Variants in PCDHGA7 observed in about 807,000 individuals in gnomAD.
The protein encoded by PCDHGA7 is protocadherin gamma subfamily A, 7, also known as protocadherin gamma-A7.
PCDHGA7 carries 44 observed loss-of-function variants against 58.3 expected under a neutral mutation model. The ratio of observed to expected loss-of-function variants is 0.75; its 90% CI spans 0.59 to 0.97. The LOEUF (loss-of-function observed/expected upper bound fraction) is 0.97. Ranked by LOEUF, PCDHGA7 falls within the 50% of genes least tolerant of loss-of-function variation. The pLI, the probability that PCDHGA7 is intolerant of heterozygous loss-of-function variation, is 0.00. For missense variants in PCDHGA7, 1,266 were observed against 1,188.7 expected (o/e 1.06, Z -0.96); for synonymous variants, 516 against 504.2 (o/e 1.02, Z -0.31).
Position 141,393,390 on chromosome 5 carries a change from G to C in PCDHGA7, c.2424+8067G>C, listed in dbSNP as rs761230046. On this transcript the variant is annotated intron_variant, in intron 1 of 3. Coordinates refer to ENST00000518325, the MANE Select transcript of PCDHGA7 (RefSeq NM_018920.4). ...TGGAGACAATGGAGCCATAAACCCA[G>C]AGCTGGTGCTGGAGCGCGCCCTGGA... 24 of 1,613,882 alleles carry C rather than the reference G, an allele frequency of 1.5e-5. No homozygotes were observed. The South Asian group carries it at 2.5e-4, about 17-fold the overall frequency.
intron 1 of PCDHGA7, chr5:141,423,243 C>G (rs2096724455): frequency 6.2e-7 from 1 of 1,613,842 alleles, no homozygotes. Flanking sequence ...TCCCCGAAGT[C>G]CTGGCGGACC....
chr5:141,503,209 C>T (rs963237902), intron 2 of PCDHGA7, among the ~76,000 whole-genome samples: 3 of 152,020 alleles, frequency 2.0e-5, no homozygotes, highest in African/African-American at 7.3e-5. Context: ...TCTCAGTGCC[C>T]ACCATGAGCA....
At chr5:141,409,680 C>G (rs756713114) in intron 1 of PCDHGA7, 1 of 1,613,360 alleles carries the variant, frequency 6.2e-7, no homozygotes, top group Non-Finnish European at 8.5e-7. Context: ...TCTATAGTGG[C>G]GAGTGACCTA....
intron 1 of PCDHGA7, among the ~76,000 whole-genome samples, chr5:141,443,695 A>G (rs1324985529): frequency 1.3e-5 from 2 of 152,272 alleles, no homozygotes; most frequent in Non-Finnish European, 2.9e-5. Context: ...TTCAAAAATT[A>G]TAGAATAACA....
At chr5:141,403,058 C>A in intron 1 of PCDHGA7, 1 of 1,614,060 alleles carries the variant, frequency 6.2e-7, no homozygotes, top group Non-Finnish European at 8.5e-7. Context: ...CTACTCAGTG[C>A]CTGAAGAGAC....
intron 1 of PCDHGA7, among the ~76,000 whole-genome samples, chr5:141,447,527 A>C (rs1278828003): frequency 6.6e-6 from 1 of 152,224 alleles, no homozygotes; most frequent in East Asian, 1.9e-4. Flanking sequence ...TCATAACAAA[A>C]TTGTTGGGTT....
intron 1 of PCDHGA7, among the ~76,000 whole-genome samples, chr5:141,454,607 T>C (rs1207742002): frequency 6.6e-6 from 1 of 151,574 alleles, no homozygotes; most frequent in Non-Finnish European, 1.5e-5. Flanking sequence ...GGTTTCTCCA[T>C]GTTGGTCAGG....
rs2095763034 is a variant in PCDHGA7, at chr5:141,414,586, A to G, written c.2424+29263A>G. 1.2e-6 allele frequency: 2 copies of G among 1,613,964 alleles called. No individual in the cohort carries two copies. The highest frequency in any genetic ancestry group is 8.5e-7 in the Non-Finnish European group (1 of 1,179,880). On this transcript the variant is annotated intron_variant, in intron 1 of 3. Transcript: ENST00000518325. ...TACCTATATCCCAGAGAACAACGCC[A>G]GGGGTGCCTCCATCTTCTCAGTGAC...
Position 141,476,348 on chromosome 5 carries a change from G to C in PCDHGA7, c.2425-18459G>C, listed in dbSNP as rs764669470. Reference sequence around the variant, plus strand: ...GTCTGGAGCTAGCCGAAGATTCTTTGAGGTGAACCGGGAGACCGGAGAGAT... The same window carrying C: ...GTCTGGAGCTAGCCGAAGATTCTTTCAGGTGAACCGGGAGACCGGAGAGAT... On this transcript the variant is annotated intron_variant, in intron 1 of 3. Transcript: ENST00000518325. The surrounding 1 kb of genome is among the most constrained non-coding windows in gnomAD (Gnocchi z 7.6). 2 of 1,614,190 alleles carry C rather than the reference G, an allele frequency of 1.2e-6. No individual in the cohort carries two copies. The highest frequency in any genetic ancestry group is 2.2e-5 in the South Asian group (2 of 91,078).
chr5:141,414,427 C>G lies in PCDHGA7; in HGVS notation c.2424+29104C>G, dbSNP rs766147938. The G allele has an allele frequency of 6.2e-6, 10 of 1,613,684 alleles. No individual in the cohort carries two copies. The highest frequency in any genetic ancestry group is 1.6e-4 in the Middle Eastern group (1 of 6,084). On this transcript the variant is annotated intron_variant, in intron 1 of 3. Coordinates refer to ENST00000518325, the MANE Select transcript of PCDHGA7 (RefSeq NM_018920.4). ...GATACACAGAGCCCTTGACAGGGAA[C>G]AGGTATCCTCTTACAATATCACAGT... is the stretch of plus-strand genomic sequence containing the variant.
intron 1 of PCDHGA7, chr5:141,413,430 C>T (rs745782366): frequency 6.2e-7 from 1 of 1,614,078 alleles, no homozygotes; most frequent in Admixed American, 1.7e-5. Context: ...ACCCGCGCAG[C>T]GGCAGCTTGA....
chr5:141,507,478 C>T (rs933478897), intron 3 of PCDHGA7, among the ~76,000 whole-genome samples: 5 of 152,158 alleles, frequency 3.3e-5, no homozygotes, highest in African/African-American at 1.2e-4. Flanking sequence ...GGACTGCTGG[C>T]CTCCTGAGGC....
At position 141,486,994 on chromosome 5, in the gene PCDHGA7, C is replaced by G. The variant is rs779792543; in HGVS notation, c.2425-7813C>G. ...ATTCAGGTTACAATGCTTGGGTTTC[C>G]TATCAGCTCCTGGAGGCCCCAGATC... On this transcript the variant is annotated intron_variant, in intron 1 of 3. Coordinates refer to ENST00000518325, the MANE Select transcript of PCDHGA7 (RefSeq NM_018920.4). The surrounding 1 kb of genome is among the most constrained non-coding windows in gnomAD (Gnocchi z 5.0). 3 of 1,614,214 alleles carry G rather than the reference C, an allele frequency of 1.9e-6. No individual in the cohort carries two copies. Among genetic ancestry groups the G allele is most frequent in the Admixed American group, 1.7e-5 (1 of 60,030 alleles).
intron 1 of PCDHGA7, among the ~76,000 whole-genome samples, chr5:141,450,093 G>A (rs1330425383): frequency 2.8e-5 from 4 of 143,748 alleles, no homozygotes; most frequent in East Asian, 2.1e-4. Context: ...TGCAACCTCC[G>A]CCTCCCAGGT....
At chr5:141,406,273 G>A (rs1366399912) in intron 1 of PCDHGA7, among the ~76,000 whole-genome samples, 2 of 151,898 alleles carry the variant, frequency 1.3e-5, no homozygotes, top group Non-Finnish European at 2.9e-5. Context: ...TCCTGCTTCA[G>A]TTTCCCAAAG....
At chr5:141,393,158 ACT>A (rs768666493) in intron 1 of PCDHGA7, 1 of 1,613,126 alleles carries the variant, frequency 6.2e-7, no homozygotes, top group East Asian at 2.2e-5. Context: ...ATAAAGGAAA[ACT>A]CTTTGGGGTA....
At chr5:141,414,633 A>C (rs1368963927) in intron 1 of PCDHGA7, 1 of 1,613,988 alleles carries the variant, frequency 6.2e-7, no homozygotes, top group South Asian at 1.1e-5. Context: ...CGGACAGCAA[A>C]GAGAATGCCC....
Position 141,489,866 on chromosome 5 carries a change from A to AGCTGGT in PCDHGA7, c.2425-4937_2425-4932dup. ...GATCGTGAAGCCCAGGCAAGACATC[A>AGCTGGT]GCTGGTGCTTACTGCTGTGGATGGG... On this transcript the variant is annotated intron_variant, in intron 1 of 3. Coordinates refer to ENST00000518325, the MANE Select transcript of PCDHGA7 (RefSeq NM_018920.4). The surrounding 1 kb of genome is among the most constrained non-coding windows in gnomAD (Gnocchi z 4.5). The AGCTGGT allele has an allele frequency of 1.2e-6, 2 of 1,614,220 alleles. No individual in the cohort carries two copies. The highest frequency in any genetic ancestry group is 1.7e-6 in the Non-Finnish European group (2 of 1,180,018).
chr5:141,473,004 AAAAG>A (rs1215989598), intron 1 of PCDHGA7, among the ~76,000 whole-genome samples: 5 of 151,730 alleles, frequency 3.3e-5, no homozygotes, highest in Non-Finnish European at 7.4e-5. Context: ...AAAAGAAAGA[AAAAG>A]AAAAAGAAAG....
Sources: allele counts gnomAD v4.1 joint callset (sites outside exome capture counted in the v4.1 genomes callset), GRCh38; gene constraint gnomAD v4.1.1; non-coding constraint Gnocchi (gnomAD v3.1); transcripts MANE v1.5; gene names NCBI Gene and HGNC (gene_info 2026-07-23, HGNC 2026-07-21).